Variants in KCNH1 observed in about 807,000 individuals in gnomAD.
The protein encoded by KCNH1 is voltage-gated delayed rectifier potassium channel KCNH1.
Under a neutral mutation model 69.2 loss-of-function variants are expected in KCNH1, and 27 were observed. The ratio of observed to expected loss-of-function variants is 0.39; its 90% CI spans 0.29 to 0.54. The LOEUF is 0.54. KCNH1 is among the 20% of genes least tolerant of loss of function. The pLI is 0.68. For synonymous variants in KCNH1, 456 were observed against 487.7 expected (o/e 0.93, Z 0.86); for missense variants, 798 against 1,261.6 (o/e 0.63, Z 5.57).
intron 10 of KCNH1, among the ~76,000 whole-genome samples, chr1:210,730,666 G>A (rs763104080): frequency 2.6e-5 from 4 of 152,122 alleles, no homozygotes; most frequent in Non-Finnish European, 4.4e-5. Flanking sequence ...CTGAGCGCAC[G>A]GGAGGTCAGA....
intron 8 of KCNH1, among the ~76,000 whole-genome samples, chr1:210,798,921 C>T (rs1312103548): frequency 6.6e-6 from 1 of 152,120 alleles, no homozygotes; most frequent in Non-Finnish European, 1.5e-5. Flanking sequence ...ATCATTCATT[C>T]ATTTAATACT....
chr1:211,068,403 G>GTT (rs574266962), intron 5 of KCNH1, among the ~76,000 whole-genome samples: 4 of 148,644 alleles, frequency 2.7e-5, no homozygotes, highest in East Asian at 2.0e-4. Context: ...CAACTTTTTT[G>GTT]TTTTTTTTTT....
At position 211,044,911 on chromosome 1, in the gene KCNH1, C is replaced by T. The variant is rs547590952; in HGVS notation, c.559-25655G>A. Among the ~76,000 whole-genome samples, 41 of 151,550 alleles carry T rather than the reference C, an allele frequency of 2.7e-4. 1 individual carries two copies. The South Asian group carries it at 6.3e-3, about 23-fold the overall frequency. On this transcript the variant is annotated intron_variant, in intron 5 of 10. Coordinates refer to ENST00000271751, the MANE Select transcript of KCNH1 (RefSeq NM_172362.3). ...ACAATCCCACTACTGGTTATCTACC[C>T]AGAGGAAAAGAAGTCATTATATAAA...
At chr1:210,702,770 G>T (rs573775276) in intron 10 of KCNH1, among the ~76,000 whole-genome samples, 33 of 152,158 alleles carry the variant, frequency 2.2e-4, no homozygotes, top group Non-Finnish European at 4.4e-4. Context: ...AGCTTTCTTG[G>T]GCTTTGCAAG....
chr1:211,031,069 AT>A (rs200023915), intron 5 of KCNH1, among the ~76,000 whole-genome samples: 58 of 152,142 alleles, frequency 3.8e-4, no homozygotes, highest in African/African-American at 1.2e-3. Context: ...AATGGCTAAA[AT>A]TTTTTTTAAA....
chr1:210,810,350 C>T (rs1033810784), intron 7 of KCNH1, among the ~76,000 whole-genome samples: 8 of 152,054 alleles, frequency 5.3e-5, no homozygotes, highest in African/African-American at 1.7e-4. Flanking sequence ...TCTGAAAATT[C>T]GTAATAATGC....
At chr1:210,955,752 T>G (rs1015250697) in intron 6 of KCNH1, among the ~76,000 whole-genome samples, 2 of 152,244 alleles carry the variant, frequency 1.3e-5, no homozygotes, top group African/African-American at 4.8e-5. Flanking sequence ...ACATTGATTT[T>G]GTACCATGAG....
chr1:210,841,529 T>G (rs1417703690), intron 7 of KCNH1, among the ~76,000 whole-genome samples: 1 of 152,208 alleles, frequency 6.6e-6, no homozygotes, highest in Non-Finnish European at 1.5e-5. Flanking sequence ...TAAATGTAGA[T>G]ATTCTTAAAA....
rs766670396 is a variant in KCNH1, at chr1:211,090,583, T to C, written c.418A>G (p.Ile140Val). 34 of 1,606,060 alleles carry C rather than the reference T, an allele frequency of 2.1e-5. No homozygotes were observed. The highest frequency in any genetic ancestry group is 8.1e-5 in the African/African-American group (6 of 74,516). The change falls in exon 4 of 11, where the codon ATT becomes GTT. Residue 140 changes from isoleucine to valine, a missense_variant. Physicochemically the swap from Ile to Val is conservative, Grantham distance 29. Around this residue, in one of 4 missense-constraint regions of KCNH1, gnomAD observed 266 missense variants for 457.2 expected, o/e 0.58. Coordinates refer to ENST00000271751, the MANE Select transcript of KCNH1 (RefSeq NM_172362.3). ...AAACCTTTACATGAATCATCCTCAA[T>C]TGGCTGTTTGAAAGCTGTTATGTCA... ...FSDITAFKQP[I>V]EDDSCKGWGK...
chr1:211,093,309 C>T (rs1193999622), intron 3 of KCNH1, among the ~76,000 whole-genome samples: 1 of 152,136 alleles, frequency 6.6e-6, no homozygotes, highest in Non-Finnish European at 1.5e-5. Context: ...TTAACAGGTC[C>T]ATTTGTTTAA....
At chr1:210,870,900 T>C (rs1221994030) in intron 7 of KCNH1, among the ~76,000 whole-genome samples, 1 of 152,230 alleles carries the variant, frequency 6.6e-6, no homozygotes, top group East Asian at 1.9e-4. Flanking sequence ...TGAACAATGC[T>C]GCCTTTAGAT....
intron 5 of KCNH1, among the ~76,000 whole-genome samples, chr1:211,029,633 C>T (rs929679820): frequency 3.8e-4 from 57 of 151,954 alleles, no homozygotes; most frequent in African/African-American, 7.3e-4. Flanking sequence ...TTTCCCCCTA[C>T]AACAAGGAAC....
chr1:210,942,642 G>A (rs1183982453), intron 6 of KCNH1, among the ~76,000 whole-genome samples: 1 of 151,992 alleles, frequency 6.6e-6, no homozygotes, highest in South Asian at 2.1e-4. Context: ...TTGCAAACAA[G>A]CAGTCATATA....
At chr1:210,715,843 C>T (rs753778248) in intron 10 of KCNH1, among the ~76,000 whole-genome samples, 5 of 152,058 alleles carry the variant, frequency 3.3e-5, no homozygotes, top group Non-Finnish European at 5.9e-5. Context: ...GAGGCAACCT[C>T]GGTGGAAGGT....
chr1:210,696,636 C>T (rs932479317), intron 10 of KCNH1, among the ~76,000 whole-genome samples: 6 of 152,272 alleles, frequency 3.9e-5, no homozygotes, highest in African/African-American at 1.4e-4. Flanking sequence ...ACTCAGTCCT[C>T]ATTTTATGGG....
intron 10 of KCNH1, among the ~76,000 whole-genome samples, chr1:210,740,857 T>C (rs1683012037): frequency 6.6e-6 from 1 of 152,080 alleles, no homozygotes; most frequent in Non-Finnish European, 1.5e-5. Flanking sequence ...GGAGAACATT[T>C]CTTCACAATC....
At position 210,780,818 on chromosome 1, in the gene KCNH1, C is replaced by T. The variant is rs181117540; in HGVS notation, c.1916-5274G>A. On this transcript the variant is annotated intron_variant, in intron 9 of 10. Transcript: ENST00000271751. ...ATCCCAGCACTTTGGGAGGCCGAGG[C>T]GGGCAGATCACGAGGTCAGGAGATA... 6.5e-3 allele frequency among the ~76,000 whole-genome samples: 995 copies of T among 152,186 alleles called. 8 individuals are homozygous for T. The highest frequency in any genetic ancestry group is 0.023 in the African/African-American group (939 of 41,518).
At chr1:210,913,924 T>C (rs1200031433) in intron 7 of KCNH1, among the ~76,000 whole-genome samples, 4 of 152,212 alleles carry the variant, frequency 2.6e-5, no homozygotes, top group African/African-American at 4.8e-5. Context: ...CCTAGTCTTA[T>C]TCTCAAAAGT....
At chr1:210,860,439 T>C (rs1244032426) in intron 7 of KCNH1, 5 of 940,840 alleles carry the variant, frequency 5.3e-6, no homozygotes, top group South Asian at 2.6e-5. Context: ...GTGTGTCAAT[T>C]GTATTCAGAA....
Sources: gnomAD v4.1 joint callset for allele counts (sites outside exome capture counted in the v4.1 genomes callset) on GRCh38, gnomAD v4.1.1 for gene constraint, gnomAD v4.1.1 regional missense constraint, MANE v1.5 for transcripts, NCBI Gene and HGNC (gene_info 2026-07-23, HGNC 2026-07-21) for gene names.